RAPGEF2: variants seen among roughly 807,000 people sequenced by gnomAD.
The protein encoded by RAPGEF2 is Rap guanine nucleotide exchange factor 2.
A neutral mutation model predicts 186.7 loss-of-function variants in RAPGEF2; 54 were observed. The observed-to-expected ratio is 0.29, with a 90% CI of 0.23 to 0.36. The LOEUF is 0.36. Ranked by LOEUF, RAPGEF2 falls within the 10% of genes least tolerant of loss-of-function variation. The pLI is 1.00. For synonymous variants in RAPGEF2, 712 were observed against 705.9 expected, an observed-to-expected ratio of 1.01 and a Z score of -0.14; for missense variants, 1,532 against 2,045.0, an observed-to-expected ratio of 0.75 and a Z score of 4.84.
chr4:159,181,390 G>A (rs1746992749), intron 1 of RAPGEF2, among the ~76,000 whole-genome samples: 1 of 151,784 alleles, frequency 6.6e-6, no homozygotes, highest in Non-Finnish European at 1.5e-5. Context: ...CACTTTTCTG[G>A]TCAGTGTGAA....
intron 1 of RAPGEF2, among the ~76,000 whole-genome samples, chr4:159,139,241 C>T (rs1202886238): frequency 6.6e-6 from 1 of 152,118 alleles, no homozygotes; most frequent in East Asian, 1.9e-4. Context: ...GTGAAGAATT[C>T]ATACAATAGC....
At chr4:159,284,913 C>T (rs1412438945) in intron 7 of RAPGEF2, among the ~76,000 whole-genome samples, 1 of 151,918 alleles carries the variant, frequency 6.6e-6, no homozygotes. Flanking sequence ...ATTAGCGGGG[C>T]GTGGTGGAGC....
intron 7 of RAPGEF2, among the ~76,000 whole-genome samples, chr4:159,260,319 T>C (rs1253796137): frequency 6.6e-6 from 1 of 151,852 alleles, no homozygotes; most frequent in Non-Finnish European, 1.5e-5. Context: ...CATTTTAATA[T>C]TCTCCCTCGC....
intron 25 of RAPGEF2, 21 bp from the exon 26 acceptor site, chr4:159,350,116 G>GT (rs11320537): frequency 0.025 from 31,293 of 1,227,782 alleles, 283 homozygotes; most frequent in African/African-American, 0.11. Context: ...CATATTTAAG[G>GT]TTTTTTTTTT....
At chr4:159,125,809 AT>A (rs1486755920) in intron 1 of RAPGEF2, among the ~76,000 whole-genome samples, 1 of 152,050 alleles carries the variant, frequency 6.6e-6, no homozygotes, top group African/African-American at 2.4e-5. Flanking sequence ...ATCTATGACA[AT>A]TTTATCAATA....
chr4:159,156,238 C>T (rs1041073735), intron 1 of RAPGEF2, among the ~76,000 whole-genome samples: 7 of 152,162 alleles, frequency 4.6e-5, no homozygotes, highest in African/African-American at 1.7e-4. Flanking sequence ...AATGAAAAAT[C>T]TTTTGAAAGT....
chr4:159,123,841 T>C lies in RAPGEF2; in HGVS notation c.69+19610T>C, dbSNP rs149007363. ...CTGGATTTTTATCGTTTTACTTTTG[T>C]TGTTGTTATTGTTGTATTGTTTTGT... On this transcript the variant is annotated intron_variant, in intron 1 of 29. Coordinates refer to ENST00000691494, the MANE Select transcript of RAPGEF2 (RefSeq NM_001394067.2). Among the ~76,000 whole-genome samples the C allele has an allele frequency of 4.4e-4, 67 of 151,252 alleles. No homozygotes were observed. In the East Asian group the frequency reaches 0.012, roughly 28 times the overall value.
chr4:159,175,027 C>T (rs546126727), intron 1 of RAPGEF2, among the ~76,000 whole-genome samples: 1 of 152,154 alleles, frequency 6.6e-6, no homozygotes, highest in African/African-American at 2.4e-5. Context: ...TATGGCTGCA[C>T]TCAGCCATAC....
At chr4:159,324,986 AT>A (rs1271694278) in intron 11 of RAPGEF2, among the ~76,000 whole-genome samples, 1 of 152,218 alleles carries the variant, frequency 6.6e-6, no homozygotes, top group Admixed American at 6.5e-5. Context: ...AAACATCTGA[AT>A]ATAGTTTATT....
At chr4:159,212,246 A>G (rs1181763513) in intron 4 of RAPGEF2, among the ~76,000 whole-genome samples, 2 of 151,634 alleles carry the variant, frequency 1.3e-5, no homozygotes, top group Non-Finnish European at 2.9e-5. Flanking sequence ...AAGCTCTTCC[A>G]CTCCTTCAGA....
rs148002933 is a variant in RAPGEF2 at position 159,189,427 on chromosome 4, G to A, written c.140+2715G>A. ...TAACTATTTTTCTAATGTTTTATCC[G>A]TTTAGTTTATATAGGCAAGAAGCAG... On this transcript the variant is annotated intron_variant, in intron 2 of 29. Coordinates refer to ENST00000691494, the MANE Select transcript of RAPGEF2 (RefSeq NM_001394067.2). Among the ~76,000 whole-genome samples, 421 of 152,204 alleles carry A rather than the reference G, an allele frequency of 2.8e-3. 1 individual carries two copies. Among genetic ancestry groups the A allele is most frequent in the African/African-American group, 9.4e-3 (392 of 41,536 alleles).
chr4:159,325,314 G>A (rs1295447029), intron 11 of RAPGEF2, among the ~76,000 whole-genome samples: 1 of 152,052 alleles, frequency 6.6e-6, no homozygotes, highest in Non-Finnish European at 1.5e-5. Flanking sequence ...AAAACAAAAT[G>A]GTTAATTCTC....
chr4:159,210,730 T>A, intron 4 of RAPGEF2, 147 bp downstream of exon 4: 1 of 584,066 alleles, frequency 1.7e-6, no homozygotes, highest in Non-Finnish European at 2.9e-6. Context: ...CATGAATCTT[T>A]AAGAAATAAC....
chr4:159,205,221 A>G (rs1192990847), intron 3 of RAPGEF2, among the ~76,000 whole-genome samples: 1 of 152,136 alleles, frequency 6.6e-6, no homozygotes. Flanking sequence ...AGTCACTTTG[A>G]TGGATCTCCT....
chr4:159,260,040 C>CTG (rs1162772155), intron 7 of RAPGEF2, among the ~76,000 whole-genome samples: 17 of 151,918 alleles, frequency 1.1e-4, no homozygotes, highest in African/African-American at 3.9e-4. Flanking sequence ...CTCAGTTGCC[C>CTG]AGGCTAGAGT....
chr4:159,249,890 T>C (rs1755104073), intron 7 of RAPGEF2, among the ~76,000 whole-genome samples: 1 of 152,132 alleles, frequency 6.6e-6, no homozygotes, highest in Non-Finnish European at 1.5e-5. Flanking sequence ...TACAGCTCAG[T>C]AGGGTTAAGT....
At chr4:159,250,840 A>G (rs1409187350) in intron 7 of RAPGEF2, among the ~76,000 whole-genome samples, 2 of 152,032 alleles carry the variant, frequency 1.3e-5, no homozygotes, top group African/African-American at 4.8e-5. Flanking sequence ...GGAGCCCTTC[A>G]GACCGCCACT....
At chr4:159,241,968 A>G (rs1231390477) in intron 6 of RAPGEF2, among the ~76,000 whole-genome samples, 1 of 152,158 alleles carries the variant, frequency 6.6e-6, no homozygotes, top group Non-Finnish European at 1.5e-5. Flanking sequence ...CTCAATGTAA[A>G]GATGCTTAGA....
intron 1 of RAPGEF2, among the ~76,000 whole-genome samples, chr4:159,151,837 G>A (rs1319649951): frequency 3.3e-5 from 5 of 152,150 alleles, no homozygotes; most frequent in African/African-American, 1.2e-4. Context: ...GGAATAAACA[G>A]TTGGGCGACA....
Sources: gnomAD v4.1 joint callset for allele counts (sites outside exome capture counted in the v4.1 genomes callset) on GRCh38, gnomAD v4.1.1 for gene constraint, MANE v1.5 for transcripts, NCBI Gene and HGNC (gene_info 2026-07-23, HGNC 2026-07-21) for gene names.